ITGA11: variants seen among roughly 807,000 people sequenced by gnomAD.
ITGA11 encodes integrin subunit alpha 11.
A neutral mutation model predicts 141.9 loss-of-function variants in ITGA11; 97 were observed. The ratio of observed to expected loss-of-function variants is 0.68; its 90% CI spans 0.58 to 0.81. The LOEUF is 0.81. Ranked by LOEUF, ITGA11 falls within the 30% of genes least tolerant of loss-of-function variation. ITGA11 has a pLI of 0.00. For missense variants in ITGA11, 1,387 were observed against 1,559.2 expected (o/e 0.89, Z 1.86); for synonymous variants, 658 against 624.6 (o/e 1.05, Z -0.80).
At chr15:68,407,719 C>T (rs1451728953) in intron 1 of ITGA11, among the ~76,000 whole-genome samples, 1 of 152,192 alleles carries the variant, frequency 6.6e-6, no homozygotes, top group African/African-American at 2.4e-5. Context: ...TGCTCCCTTT[C>T]TCAGAATCTT....
chr15:68,320,509 T>C, intron 19 of ITGA11, 117 bp from the exon 20 acceptor site: 2 of 730,204 alleles, frequency 2.7e-6, no homozygotes, highest in Non-Finnish European at 2.3e-6. Flanking sequence ...CCTCTGCTCA[T>C]GGGAATAGCC....
At chr15:68,393,103 G>A (rs2415001) in intron 2 of ITGA11, among the ~76,000 whole-genome samples, 58,567 of 152,036 alleles carry the variant, frequency 0.39, 12,231 homozygotes, top group East Asian at 0.56. Flanking sequence ...AGAGTATATC[G>A]AATGGGTTTA....
At chr15:68,387,363 G>T (rs989343401) in intron 2 of ITGA11, among the ~76,000 whole-genome samples, 1 of 152,132 alleles carries the variant, frequency 6.6e-6, no homozygotes, top group African/African-American at 2.4e-5. Context: ...AATGGCAACC[G>T]CTAAGTGTGT....
chr15:68,401,727 T>C (rs1896515955), intron 2 of ITGA11, among the ~76,000 whole-genome samples: 1 of 152,098 alleles, frequency 6.6e-6, no homozygotes, highest in Non-Finnish European at 1.5e-5. Flanking sequence ...CACCACCTTC[T>C]GGGAAGCTGG....
At chr15:68,359,011 T>C (rs965100484) in intron 5 of ITGA11, among the ~76,000 whole-genome samples, 1 of 152,184 alleles carries the variant, frequency 6.6e-6, no homozygotes. Flanking sequence ...TGGCTAGAAA[T>C]GTGGGATGTG....
chr15:68,401,253 TAG>T (rs1292312641), intron 2 of ITGA11, among the ~76,000 whole-genome samples: 4 of 151,978 alleles, frequency 2.6e-5, no homozygotes, highest in Admixed American at 6.6e-5. Flanking sequence ...CTTGTTTTAC[TAG>T]AGAGAGTTTA....
chr15:68,397,480 A>T (rs1262883100), intron 2 of ITGA11, among the ~76,000 whole-genome samples: 5 of 100,370 alleles, frequency 5.0e-5, no homozygotes, highest in Non-Finnish European at 8.7e-5. Flanking sequence ...TAAAAATATT[A>T]TAAAATATTT....
At position 68,339,531 on chromosome 15, in the gene ITGA11, G is replaced by A. The variant is rs372888547; in HGVS notation, c.1245C>T (p.Pro415=). Residue 415 remains proline (P), a synonymous_variant, in exon 11 of 30, where the codon CCC becomes CCT. Transcript: ENST00000315757. ...ATGCACCATGGTTCTTGAGCTCCTCGGGGAACTCTTTCAGGTAGGACTCGC... is the reference window on the plus strand; with the variant it reads ...ATGCACCATGGTTCTTGAGCTCCTCAGGGAACTCTTTCAGGTAGGACTCGC... ...PLRESYLKEF[P]EELKNHGAYL... The A allele has an allele frequency of 1.9e-5, 31 of 1,613,680 alleles. No homozygotes were observed. The highest frequency in any genetic ancestry group is 6.7e-5 in the African/African-American group (5 of 74,898).
rs547725345 is a variant in ITGA11 at position 68,323,077 on chromosome 15, C to T, written c.2323-1574G>A. Among the ~76,000 whole-genome samples the T allele has an allele frequency of 1.1e-4, 17 of 152,286 alleles. No homozygotes were observed. The East Asian group carries it at 3.3e-3, about 29-fold the overall frequency. On this transcript the variant is annotated intron_variant, in intron 18 of 29. Transcript: ENST00000315757. ...GTCATGTGTATCTTAAATTCATTAA[C>T]TTTTCTCGAAGGAGAGCTCTCTGGC...
intron 1 of ITGA11, among the ~76,000 whole-genome samples, chr15:68,405,520 G>A (rs1305382035): frequency 6.6e-6 from 1 of 152,160 alleles, no homozygotes; most frequent in African/African-American, 2.4e-5. Context: ...GGTTGGGGAA[G>A]AAGAGTATAT....
At chr15:68,381,086 C>T (rs1390855702) in intron 2 of ITGA11, among the ~76,000 whole-genome samples, 1 of 152,174 alleles carries the variant, frequency 6.6e-6, no homozygotes, top group East Asian at 1.9e-4. Flanking sequence ...CCTATGGATC[C>T]ATGGGAACTC....
chr15:68,334,295 T>C (rs1894274311), intron 12 of ITGA11, among the ~76,000 whole-genome samples: 2 of 152,346 alleles, frequency 1.3e-5, no homozygotes, highest in East Asian at 1.9e-4. Flanking sequence ...AGCCTTGGGT[T>C]AGCTCATGTG....
intron 2 of ITGA11, among the ~76,000 whole-genome samples, chr15:68,387,189 A>G (rs943748831): frequency 6.6e-6 from 1 of 152,148 alleles, no homozygotes; most frequent in Non-Finnish European, 1.5e-5. Flanking sequence ...GTGCATTACA[A>G]GAATGAAGTG....
At position 68,302,359 on chromosome 15, in the gene ITGA11, A is replaced by T. The variant is rs1893061121; in HGVS notation, c.*700T>A. On this transcript the variant is annotated 3_prime_UTR_variant, in exon 30 of 30. Coordinates refer to ENST00000315757, the MANE Select transcript of ITGA11 (RefSeq NM_001004439.2). ...TGGGGGAATGTGTGAGTTGCGGTCA[A>T]TGTGAATGCACGTGGGTGCAGAGCC... 1 of 152,372 alleles carries T rather than the reference A, an allele frequency of 6.6e-6. No homozygotes were observed. Among genetic ancestry groups the T allele is most frequent in the East Asian group, 1.9e-4 (1 of 5,186 alleles). 9.4% of individuals were successfully genotyped at this position (152,372 alleles called of 1,614,324 possible).
intron 24 of ITGA11, 62 bp from the exon 25 acceptor site, chr15:68,311,465 A>C: frequency 1.7e-6 from 2 of 1,173,928 alleles, no homozygotes; most frequent in Non-Finnish European, 1.2e-6. Context: ...AACAAGGTCC[A>C]CAGGGGCCAA....
intron 2 of ITGA11, among the ~76,000 whole-genome samples, chr15:68,402,584 C>A (rs1896536440): frequency 6.6e-6 from 1 of 152,054 alleles, no homozygotes; most frequent in African/African-American, 2.4e-5. Context: ...CTCAGAGACA[C>A]CCCCAGCAGC....
chr15:68,429,825 T>C (rs558521686), intron 1 of ITGA11, among the ~76,000 whole-genome samples: 8 of 152,302 alleles, frequency 5.3e-5, no homozygotes, highest in African/African-American at 1.9e-4. Flanking sequence ...ACATTCCCAC[T>C]TTCAGGCCCA....
chr15:68,313,390 T>C (rs1333946513), intron 23 of ITGA11, among the ~76,000 whole-genome samples: 1 of 152,192 alleles, frequency 6.6e-6, no homozygotes, highest in Non-Finnish European at 1.5e-5. Context: ...ATTGTTTAGA[T>C]GTGCTGGCAT....
intron 1 of ITGA11, among the ~76,000 whole-genome samples, chr15:68,425,158 A>T (rs1897113293): frequency 1.3e-5 from 2 of 152,210 alleles, no homozygotes. Context: ...GTAAAGTGGG[A>T]TCATGGTGTC....
Sources: allele counts gnomAD v4.1 joint callset (sites outside exome capture counted in the v4.1 genomes callset), GRCh38; gene constraint gnomAD v4.1.1; transcripts MANE v1.5; gene names NCBI Gene and HGNC (gene_info 2026-07-23, HGNC 2026-07-21).